TRHDE: variants seen among roughly 807,000 people sequenced by gnomAD.
The protein encoded by TRHDE is thyrotropin-releasing hormone-degrading ectoenzyme.
Under a neutral mutation model 125.7 loss-of-function variants are expected in TRHDE, and 72 were observed. That is an observed-to-expected ratio of 0.57 (90% confidence interval 0.47 to 0.70). The LOEUF is 0.70. Among genes scored for constraint, TRHDE ranks in the 30% least tolerant of loss-of-function variants. TRHDE has a pLI of 0.00. For synonymous variants in TRHDE, 509 were observed against 509.1 expected, an observed-to-expected ratio of 1.00 and a Z score of 0.00; for missense variants, 1,110 against 1,327.1, an observed-to-expected ratio of 0.84 and a Z score of 2.54.
At chr12:72,094,049 G>A (rs975869347) in intron 1 of TRHDE, among the ~76,000 whole-genome samples, 5 of 152,152 alleles carry the variant, frequency 3.3e-5, no homozygotes, top group Non-Finnish European at 7.4e-5. Context: ...ATTGGAGCTG[G>A]GTCATGTGGC....
At chr12:72,322,576 T>C (rs557634726) in intron 2 of TRHDE, among the ~76,000 whole-genome samples, 1 of 148,492 alleles carries the variant, frequency 6.7e-6, no homozygotes, top group Non-Finnish European at 1.5e-5. Context: ...GACCAGAAGC[T>C]CACAGTAACT....
chr12:72,123,187 T>C (rs2139302696), intron 2 of TRHDE, among the ~76,000 whole-genome samples: 1 of 152,272 alleles, frequency 6.6e-6, no homozygotes, highest in Non-Finnish European at 1.5e-5. Flanking sequence ...ATGAACTGAA[T>C]TTAATCTCGG....
At chr12:72,246,737 G>A (rs1592498522) in intron 2 of TRHDE, among the ~76,000 whole-genome samples, 1 of 152,196 alleles carries the variant, frequency 6.6e-6, no homozygotes. Flanking sequence ...TGTTGGAAAA[G>A]TCATTTTCTT....
intron 2 of TRHDE, among the ~76,000 whole-genome samples, chr12:72,179,697 A>G (rs538006500): frequency 9.9e-5 from 15 of 152,214 alleles, no homozygotes; most frequent in African/African-American, 3.6e-4. Context: ...TATTATAGCT[A>G]GTTATATTCT....
chr12:72,374,333 GA>G, intron 2 of TRHDE, among the ~76,000 whole-genome samples: 1 of 145,162 alleles, frequency 6.9e-6, no homozygotes, highest in East Asian at 2.0e-4. Flanking sequence ...GTGTGTGTGT[GA>G]TATCAGGAGT....
At chr12:72,258,292 G>A (rs552714016) in intron 2 of TRHDE, 48 of 152,236 alleles carry the variant, frequency 3.2e-4, no homozygotes, top group African/African-American at 1.2e-3. Flanking sequence ...CACAAGCTAC[G>A]TGAAAGGAAA....
At chr12:72,340,751 A>G (rs2135729672) in intron 2 of TRHDE, among the ~76,000 whole-genome samples, 1 of 152,288 alleles carries the variant, frequency 6.6e-6, no homozygotes, top group Admixed American at 6.5e-5. Context: ...TACTTCCCAG[A>G]GTTGTACACA....
intron 2 of TRHDE, among the ~76,000 whole-genome samples, chr12:72,236,725 A>G (rs889536410): frequency 2.0e-5 from 3 of 152,240 alleles, no homozygotes; most frequent in African/African-American, 7.2e-5. Context: ...TACCATCCAC[A>G]GCCTTTTAGA....
intron 3 of TRHDE, among the ~76,000 whole-genome samples, chr12:72,444,457 T>C (rs1387524450): frequency 6.6e-6 from 1 of 151,816 alleles, no homozygotes; most frequent in Non-Finnish European, 1.5e-5. Flanking sequence ...CAACATTTTT[T>C]TTTGAAAAAT....
chr12:72,288,189 C>T (rs895453809), intron 2 of TRHDE, among the ~76,000 whole-genome samples: 2 of 151,968 alleles, frequency 1.3e-5, no homozygotes, highest in Non-Finnish European at 2.9e-5. Context: ...TTCAGTGTTG[C>T]TTGAACACAG....
chr12:72,638,027 G>T (rs1408929620), intron 15 of TRHDE, among the ~76,000 whole-genome samples: 1 of 150,720 alleles, frequency 6.6e-6, no homozygotes. Context: ...GGTCCGCTTG[G>T]TGCAGAGCTG....
intron 3 of TRHDE, among the ~76,000 whole-genome samples, chr12:72,391,479 T>C (rs1872608224): frequency 6.6e-6 from 1 of 152,210 alleles, no homozygotes; most frequent in South Asian, 2.1e-4. Flanking sequence ...GTAACTTAGA[T>C]TTATTCTTTA....
chr12:72,590,143 A>G (rs1452383845), intron 12 of TRHDE, among the ~76,000 whole-genome samples: 1 of 150,388 alleles, frequency 6.6e-6, no homozygotes, highest in East Asian at 1.9e-4. Context: ...TGATTACTCA[A>G]GTATATTACT....
chr12:72,423,477 C>G (rs188563369), intron 3 of TRHDE, among the ~76,000 whole-genome samples: 1 of 152,094 alleles, frequency 6.6e-6, no homozygotes, highest in Non-Finnish European at 1.5e-5. Context: ...CCACTCATAA[C>G]GCAGCAAGAG....
At chr12:72,324,733 C>A (rs1945175639) in intron 2 of TRHDE, among the ~76,000 whole-genome samples, 1 of 152,122 alleles carries the variant, frequency 6.6e-6, no homozygotes, top group South Asian at 2.1e-4. Context: ...TAACTTTCTC[C>A]TGAAACAGTA....
chr12:72,286,163 C>A (rs1230579386), intron 1 of TRHDE, among the ~76,000 whole-genome samples: 1 of 152,214 alleles, frequency 6.6e-6, no homozygotes, highest in African/African-American at 2.4e-5. Flanking sequence ...AGAATTCAGA[C>A]CAGAATTTAT....
chr12:72,363,572 G>C (rs1257159186), intron 2 of TRHDE, among the ~76,000 whole-genome samples: 10 of 151,568 alleles, frequency 6.6e-5, no homozygotes, highest in South Asian at 2.1e-4. Context: ...ATTCAACAAC[G>C]CTTCATGCTA....
At chr12:72,450,641 C>T (rs1404542197) in intron 3 of TRHDE, among the ~76,000 whole-genome samples, 1 of 151,674 alleles carries the variant, frequency 6.6e-6, no homozygotes, top group African/African-American at 2.4e-5. Flanking sequence ...TTTTGTACTC[C>T]CTTTGGAGAT....
At chr12:72,638,910 C>T (rs1228869945) in intron 15 of TRHDE, among the ~76,000 whole-genome samples, 10 of 150,414 alleles carry the variant, frequency 6.6e-5, no homozygotes, top group Non-Finnish European at 1.3e-4. Flanking sequence ...GAGGGTAACC[C>T]GACCTTCCTC....
Sources: gnomAD v4.1 joint callset for allele counts (sites outside exome capture counted in the v4.1 genomes callset) on GRCh38, gnomAD v4.1.1 for gene constraint, MANE v1.5 for transcripts, NCBI Gene and HGNC (gene_info 2026-07-23, HGNC 2026-07-21) for gene names.